Variants in EXOC6B observed in about 807,000 individuals in gnomAD.
The protein encoded by EXOC6B is exocyst complex component 6B.
In EXOC6B, 54 loss-of-function variants were observed where a neutral mutation model predicts 113.5. The ratio of observed to expected loss-of-function variants is 0.48; its 90% CI spans 0.38 to 0.60. EXOC6B has a LOEUF of 0.60. Among genes scored for constraint, EXOC6B ranks in the 20% least tolerant of loss-of-function variants. The pLI is 0.00. For synonymous variants in EXOC6B, 357 were observed against 339.0 expected (o/e 1.05, Z -0.58); for missense variants, 797 against 977.5 (o/e 0.82, Z 2.46).
At chr2:72,556,948 C>T (rs925668692) in intron 8 of EXOC6B, among the ~76,000 whole-genome samples, 3 of 150,606 alleles carry the variant, frequency 2.0e-5, no homozygotes, top group African/African-American at 7.3e-5. Flanking sequence ...ATTTCTCTTT[C>T]AGAAAGGAGG....
At chr2:72,651,631 GT>G (rs1470031930) in intron 6 of EXOC6B, among the ~76,000 whole-genome samples, 1 of 152,160 alleles carries the variant, frequency 6.6e-6, no homozygotes. Flanking sequence ...TGACTGGAAT[GT>G]TTTTTGAGAT....
chr2:72,484,562 G>A (rs1335708817), intron 16 of EXOC6B, among the ~76,000 whole-genome samples: 11 of 116,470 alleles, frequency 9.4e-5, no homozygotes, highest in African/African-American at 2.9e-4. Context: ...GCGAGACTCC[G>A]TCACAAAAAA....
At chr2:72,404,649 C>T (rs6546770) in intron 18 of EXOC6B, among the ~76,000 whole-genome samples, 31,893 of 152,074 alleles carry the variant, frequency 0.21, 6,324 homozygotes, top group African/African-American at 0.53. Flanking sequence ...CTGAGGGTCC[C>T]GACTGTTAGA....
chr2:72,296,060 G>C (rs1428712344), intron 20 of EXOC6B, among the ~76,000 whole-genome samples: 1 of 151,956 alleles, frequency 6.6e-6, no homozygotes, highest in Non-Finnish European at 1.5e-5. Flanking sequence ...TACCCAGCAA[G>C]TGTTATAACA....
chr2:72,567,728 G>T (rs759717016), intron 7 of EXOC6B, among the ~76,000 whole-genome samples: 3 of 151,804 alleles, frequency 2.0e-5, no homozygotes, highest in Admixed American at 6.6e-5. Context: ...AAAACTGGAT[G>T]GATAATTTGG....
chr2:72,499,836 GA>G, intron 12 of EXOC6B, 64 bp downstream of exon 12: 6 of 1,172,364 alleles, frequency 5.1e-6, no homozygotes, highest in Admixed American at 2.1e-5. Context: ...ACCCAGTCAA[GA>G]AAAAGGTTTA....
intron 6 of EXOC6B, among the ~76,000 whole-genome samples, chr2:72,586,173 C>A (rs543372826): frequency 6.6e-6 from 1 of 152,012 alleles, no homozygotes; most frequent in Non-Finnish European, 1.5e-5. Context: ...AATGTCATTC[C>A]AGACATCAGC....
chr2:72,783,914 T>C lies in EXOC6B; in HGVS notation c.113+41884A>G, dbSNP rs148845978. On this transcript the variant is annotated intron_variant, in intron 1 of 21. Transcript: ENST00000272427. ...TTTGAGATCTTAGCCATAAAATCTTTGCTTAGACCAATGTTCTGGAGTGTT... is the reference window on the plus strand; with the variant it reads ...TTTGAGATCTTAGCCATAAAATCTTCGCTTAGACCAATGTTCTGGAGTGTT... 4.2e-3 allele frequency among the ~76,000 whole-genome samples: 635 copies of C among 152,344 alleles called. 5 individuals are homozygous for C. The highest frequency in any genetic ancestry group is 0.015 in the African/African-American group (613 of 41,574).
chr2:72,678,583 G>A (rs1250887340), intron 6 of EXOC6B, among the ~76,000 whole-genome samples: 1 of 152,120 alleles, frequency 6.6e-6, no homozygotes, highest in Non-Finnish European at 1.5e-5. Flanking sequence ...GCACACAACT[G>A]TTGTCCCAGC....
chr2:72,513,155 T>G lies in EXOC6B; in HGVS notation c.1144A>C (p.Ile382Leu), dbSNP rs868200677. ...ELWEMALSKT[I>L]AALRTHSSYC... ...ACCGAGTGGGTACGGAGTGCTGCGA[T>G]GGTTTTTGAAAGTGCCATTTCCCAC... Residue 382 changes from isoleucine (I) to leucine (L), a missense_variant, in exon 11 of 22, where the codon ATC becomes CTC. Coordinates refer to ENST00000272427, the MANE Select transcript of EXOC6B (RefSeq NM_015189.3). The G allele has an allele frequency of 4.3e-6, 7 of 1,613,260 alleles. No homozygotes were observed. The African/African-American group carries it at 5.3e-5, about 12-fold the overall frequency.
At chr2:72,381,413 A>C (rs1330671896) in intron 18 of EXOC6B, among the ~76,000 whole-genome samples, 1 of 152,158 alleles carries the variant, frequency 6.6e-6, no homozygotes, top group African/African-American at 2.4e-5. Context: ...TATTATAAAC[A>C]GAGTAAGTCA....
At chr2:72,596,457 A>G (rs530175494) in intron 6 of EXOC6B, among the ~76,000 whole-genome samples, 1 of 152,146 alleles carries the variant, frequency 6.6e-6, no homozygotes, top group Non-Finnish European at 1.5e-5. Context: ...GGAGCTTTCC[A>G]AGGTTCTCAT....
At chr2:72,590,707 G>A (rs973949803) in intron 6 of EXOC6B, among the ~76,000 whole-genome samples, 2 of 151,850 alleles carry the variant, frequency 1.3e-5, no homozygotes, top group Non-Finnish European at 2.9e-5. Flanking sequence ...TAACATAGAA[G>A]GTATATTTTT....
At chr2:72,334,872 C>T (rs911392305) in intron 20 of EXOC6B, 75 bp downstream of exon 20, 27 of 1,435,664 alleles carry the variant, frequency 1.9e-5, no homozygotes, top group South Asian at 1.3e-4. Context: ...CTCCCTTCCC[C>T]TTTTCCTTAA....
chr2:72,498,613 T>A, intron 12 of EXOC6B, 62 bp from the exon 13 acceptor site: 2 of 1,158,466 alleles, frequency 1.7e-6, no homozygotes, highest in Non-Finnish European at 2.4e-6. Context: ...TCGGTTTTTT[T>A]TTTTTTTGGC....
intron 20 of EXOC6B, among the ~76,000 whole-genome samples, chr2:72,204,705 G>A (rs1184815646): frequency 6.6e-6 from 1 of 152,156 alleles, no homozygotes; most frequent in Non-Finnish European, 1.5e-5. Context: ...TCACGTAGCT[G>A]TGATTAAACA....
chr2:72,719,116 A>G (rs376626998), intron 5 of EXOC6B, among the ~76,000 whole-genome samples: 14 of 152,310 alleles, frequency 9.2e-5, no homozygotes, highest in African/African-American at 2.6e-4. Flanking sequence ...GCCTGGGGCT[A>G]CTTCCAACAC....
intron 18 of EXOC6B, among the ~76,000 whole-genome samples, chr2:72,421,508 A>G (rs993149816): frequency 2.6e-5 from 4 of 152,374 alleles, no homozygotes; most frequent in South Asian, 4.1e-4. Flanking sequence ...GCTGCATTGT[A>G]CTAATGACTA....
intron 20 of EXOC6B, chr2:72,263,542 T>C (rs1260621500): frequency 6.6e-6 from 1 of 152,058 alleles, no homozygotes; most frequent in Non-Finnish European, 1.5e-5. Context: ...AAATAACAAA[T>C]AGAAACTAAA....
Sources: allele counts gnomAD v4.1 joint callset (sites outside exome capture counted in the v4.1 genomes callset), GRCh38; gene constraint gnomAD v4.1.1; transcripts MANE v1.5; gene names NCBI Gene and HGNC (gene_info 2026-07-23, HGNC 2026-07-21).